SCML4: variants seen among roughly 807,000 people sequenced by gnomAD.
SCML4 encodes the protein Scm polycomb group protein like 4.
SCML4 carries 34 observed loss-of-function variants against 41.1 expected under a neutral mutation model. The ratio of observed to expected loss-of-function variants is 0.83; its 90% CI spans 0.63 to 1.10. The LOEUF is 1.10. Ranked by LOEUF, SCML4 falls within the 50% of genes least tolerant of loss-of-function variation. The pLI is 0.00. For missense variants in SCML4, 522 were observed against 534.1 expected (o/e 0.98, Z 0.22); for synonymous variants, 214 against 220.9 (o/e 0.97, Z 0.28).
intron 2 of SCML4, among the ~76,000 whole-genome samples, chr6:107,766,840 C>G (rs995110438): frequency 6.6e-6 from 1 of 152,158 alleles, no homozygotes; most frequent in Non-Finnish European, 1.5e-5. Flanking sequence ...TAATTTCCCC[C>G]ACAGACCACA....
chr6:107,792,083 T>G (rs1782373621), intron 1 of SCML4, among the ~76,000 whole-genome samples: 1 of 152,204 alleles, frequency 6.6e-6, no homozygotes, highest in African/African-American at 2.4e-5. Flanking sequence ...TGGGCCATCT[T>G]GATTGCAAAG....
rs527741328 is a variant in SCML4, at chr6:107,716,766, G to A, written c.973+3937C>T. On this transcript the variant is annotated intron_variant, in intron 6 of 7. Coordinates refer to ENST00000369020, the MANE Select transcript of SCML4 (RefSeq NM_198081.5). ...GCCCTAACTTCCATCTGGAATCATGGTTGCTAGGAATGAAAACCACATTTC... is the reference window on the plus strand; with the variant it reads ...GCCCTAACTTCCATCTGGAATCATGATTGCTAGGAATGAAAACCACATTTC... 5.6e-4 allele frequency among the ~76,000 whole-genome samples: 86 copies of A among 152,236 alleles called. 1 individual carries two copies. The highest frequency in any genetic ancestry group is 8.8e-4 in the Non-Finnish European group (60 of 68,026).
At chr6:107,798,404 T>C (rs920995206) in intron 1 of SCML4, among the ~76,000 whole-genome samples, 1 of 152,048 alleles carries the variant, frequency 6.6e-6, no homozygotes, top group Admixed American at 6.5e-5. Context: ...TTGTTCATAA[T>C]ACTTCCTTGT....
chr6:107,758,723 G>A (rs1015494462), intron 2 of SCML4, among the ~76,000 whole-genome samples: 1 of 152,128 alleles, frequency 6.6e-6, no homozygotes, highest in Admixed American at 6.5e-5. Context: ...GCAACCACCA[G>A]AAGCTAGGAA....
chr6:107,721,086 A>T, intron 5 of SCML4, 93 bp from the exon 6 acceptor site: 7 of 1,444,928 alleles, frequency 4.8e-6, no homozygotes, highest in Non-Finnish European at 6.5e-6. Flanking sequence ...CCCTGCCAAC[A>T]CAGTAGCCAG....
intron 1 of SCML4, among the ~76,000 whole-genome samples, chr6:107,802,807 T>A (rs9384660): frequency 6.8e-6 from 1 of 146,936 alleles, no homozygotes; most frequent in African/African-American, 2.5e-5. Flanking sequence ...AAAGCTGGAC[T>A]GTACTGCTGC....
At chr6:107,818,017 C>G (rs1224209664) in intron 1 of SCML4, among the ~76,000 whole-genome samples, 1 of 152,226 alleles carries the variant, frequency 6.6e-6, no homozygotes, top group Non-Finnish European at 1.5e-5. Flanking sequence ...TGTTAAGACA[C>G]TCAAAACAAG....
intron 1 of SCML4, among the ~76,000 whole-genome samples, chr6:107,779,751 T>G (rs1781335816): frequency 6.6e-6 from 1 of 152,214 alleles, no homozygotes; most frequent in African/African-American, 2.4e-5. Flanking sequence ...CTCGTGTGTC[T>G]GCAAGCTGCT....
chr6:107,829,245 G>T (rs1785333150), upstream of SCML4, among the ~76,000 whole-genome samples: 3 of 152,172 alleles, frequency 2.0e-5, no homozygotes, highest in African/African-American at 7.2e-5. Context: ...AATTAACCAG[G>T]CATGGTGGTG....
chr6:107,735,460 GT>G (rs138028585), intron 5 of SCML4, among the ~76,000 whole-genome samples: 1 of 150,250 alleles, frequency 6.7e-6, no homozygotes, highest in Admixed American at 6.6e-5. Flanking sequence ...TTCCAGTTCT[GT>G]TTTTTTTTCT....
In SCML4 at chr6:107,802,883, G is replaced by A. The variant is rs560098676; in HGVS notation, c.-60+21243C>T. ...CTCAGCCTGCCGAGTGCCTGCGATT[G>A]CAGTCGCGCGCCGCCACGCCTGACT... On this transcript the variant is annotated intron_variant, in intron 1 of 7. Transcript: ENST00000369020. Among the ~76,000 whole-genome samples, 473 of 152,026 alleles carry A rather than the reference G, an allele frequency of 3.1e-3. 1 individual carries two copies. Among genetic ancestry groups the A allele is most frequent in the African/African-American group, 0.011 (453 of 41,456 alleles).
At chr6:107,736,035 G>A (rs1033327191) in intron 5 of SCML4, among the ~76,000 whole-genome samples, 1 of 152,108 alleles carries the variant, frequency 6.6e-6, no homozygotes, top group Non-Finnish European at 1.5e-5. Flanking sequence ...GTCTGGTGGA[G>A]TAGGCTACTT....
intron 1 of SCML4, among the ~76,000 whole-genome samples, chr6:107,800,980 G>A (rs1298813987): frequency 6.6e-6 from 1 of 152,194 alleles, no homozygotes; most frequent in East Asian, 1.9e-4. Context: ...TAACCTTGCA[G>A]GGGCTCCCCT....
intron 1 of SCML4, among the ~76,000 whole-genome samples, chr6:107,786,639 A>C (rs79377532): frequency 0.05 from 7,550 of 152,292 alleles, 347 homozygotes; most frequent in South Asian, 0.21. Flanking sequence ...GCACATCTTA[A>C]GGATTGACAA....
At chr6:107,750,189 C>T (rs1222356462) in intron 2 of SCML4, among the ~76,000 whole-genome samples, 1 of 152,216 alleles carries the variant, frequency 6.6e-6, no homozygotes, top group African/African-American at 2.4e-5. Context: ...AGGGCTTTCC[C>T]TGTATCCACC....
intron 1 of SCML4, among the ~76,000 whole-genome samples, chr6:107,803,239 G>A (rs1171140503): frequency 3.6e-5 from 5 of 137,740 alleles, no homozygotes; most frequent in East Asian, 2.3e-4. Flanking sequence ...CTGCCCGGCC[G>A]CCCTGTCTGA....
At chr6:107,747,111 G>T (rs1361286570) in intron 3 of SCML4, among the ~76,000 whole-genome samples, 1 of 152,188 alleles carries the variant, frequency 6.6e-6, no homozygotes, top group Non-Finnish European at 1.5e-5. Context: ...GGGCTTTCTT[G>T]GTTGGAAACA....
intron 5 of SCML4, among the ~76,000 whole-genome samples, chr6:107,728,972 A>C (rs941569746): frequency 2.0e-5 from 3 of 152,172 alleles, no homozygotes; most frequent in Non-Finnish European, 4.4e-5. Flanking sequence ...TTTTCTATAG[A>C]GGGGTTCTGA....
Position 107,753,854 on chromosome 6 carries a change from C to T in SCML4, c.157-4041G>A, listed in dbSNP as rs145025604. Among the ~76,000 whole-genome samples the T allele has an allele frequency of 5.2e-3, 793 of 152,196 alleles. 11 individuals carry two copies. In the East Asian group the frequency reaches 0.064, roughly 12 times the overall value. ...TGAGGGAGGCCGTGGCCTAAGAGGA[C>T]GCACATACTTTCCATCTATTGCAAC... is the stretch of plus-strand genomic sequence containing the variant. On this transcript the variant is annotated intron_variant, in intron 2 of 7. Transcript: ENST00000369020.
Sources: allele counts gnomAD v4.1 joint callset (sites outside exome capture counted in the v4.1 genomes callset), GRCh38; gene constraint gnomAD v4.1.1; transcripts MANE v1.5; gene names NCBI Gene and HGNC (gene_info 2026-07-23, HGNC 2026-07-21).